Variants in SLC5A4 observed in about 807,000 individuals in gnomAD.
SLC5A4 encodes solute carrier family 5 member 4.
SLC5A4 carries 55 observed loss-of-function variants against 70.3 expected under a neutral mutation model. The ratio of observed to expected loss-of-function variants is 0.78; its 90% CI spans 0.63 to 0.98. The LOEUF (loss-of-function observed/expected upper bound fraction) is 0.98, where lower values mean the gene tolerates loss of function less well. Among genes scored for constraint, SLC5A4 ranks in the 50% least tolerant of loss-of-function variants. The pLI, the probability that SLC5A4 is intolerant of heterozygous loss-of-function variation, is 0.00. For missense variants in SLC5A4, 735 were observed against 839.2 expected, an observed-to-expected ratio of 0.88 and a Z score of 1.53; for synonymous variants, 268 against 305.7, an observed-to-expected ratio of 0.88 and a Z score of 1.29.
the SLC5A4 span, among the ~76,000 whole-genome samples, chr22:32,267,833 A>G: frequency 1.5e-4 from 23 of 152,326 alleles, no homozygotes; most frequent in African/African-American, 4.3e-4. Flanking sequence ...CAAAGAAACA[A>G]TCAAGTCCTG....
the SLC5A4 span, among the ~76,000 whole-genome samples, chr22:32,321,977 T>C: frequency 1.3e-5 from 2 of 152,210 alleles, no homozygotes; most frequent in Non-Finnish European, 2.9e-5. Flanking sequence ...GTTCCCAGCA[T>C]TGTGCATAAT....
chr22:32,260,036 G>A (rs1374707124), upstream of SLC5A4, among the ~76,000 whole-genome samples: 4 of 152,244 alleles, frequency 2.6e-5, no homozygotes, highest in Non-Finnish European at 4.4e-5. Flanking sequence ...ATTGAGGCTA[G>A]TGAAAGAAAG....
chr22:32,340,512 C>T, the SLC5A4 span, among the ~76,000 whole-genome samples: 10 of 152,276 alleles, frequency 6.6e-5, no homozygotes, highest in Non-Finnish European at 1.2e-4. Context: ...TTATGTCAGG[C>T]GGCGACGCAC....
the SLC5A4 span, among the ~76,000 whole-genome samples, chr22:32,308,765 T>C: frequency 0.27 from 22,802 of 83,362 alleles, 1,920 homozygotes; most frequent in East Asian, 0.51. Context: ...TGAAATCACA[T>C]GTATGTGTGT....
upstream of SLC5A4, among the ~76,000 whole-genome samples, chr22:32,256,326 C>A (rs865869892): frequency 6.8e-6 from 1 of 147,164 alleles, no homozygotes; most frequent in Non-Finnish European, 1.5e-5. Context: ...ACAAAAAAAA[C>A]AACAACAAAA....
the SLC5A4 span, among the ~76,000 whole-genome samples, chr22:32,281,196 G>A: frequency 1.3e-5 from 2 of 152,328 alleles, no homozygotes; most frequent in East Asian, 1.9e-4. Context: ...CTCCCGCACT[G>A]GGGGTTTGGC....
chr22:32,255,489 C>T, upstream of SLC5A4: 1 of 690,138 alleles, frequency 1.4e-6, no homozygotes, highest in South Asian at 2.0e-5. Context: ...CCCAGCCCTC[C>T]ACCAGTGAGT....
intron 4 of SLC5A4, among the ~76,000 whole-genome samples, chr22:32,247,749 C>T (rs1926917225): frequency 1.3e-5 from 2 of 152,170 alleles, no homozygotes; most frequent in African/African-American, 2.4e-5. Flanking sequence ...TGGATAACTC[C>T]AGCCAAGGTC....
intron 5 of SLC5A4, among the ~76,000 whole-genome samples, chr22:32,239,556 A>ATATATATATATATT (rs1569374865): frequency 2.2e-3 from 46 of 20,862 alleles, no homozygotes; most frequent in Non-Finnish European, 2.7e-3. Flanking sequence ...ATATATATAT[A>ATATATATATATATT]TATATATATA....
chr22:32,295,109 A>G, the SLC5A4 span, among the ~76,000 whole-genome samples: 10 of 105,244 alleles, frequency 9.5e-5, 2 homozygotes, highest in African/African-American at 3.1e-4. Flanking sequence ...ATTGTGAATA[A>G]TGCCACAATA....
the SLC5A4 span, among the ~76,000 whole-genome samples, chr22:32,333,114 G>A: frequency 4.6e-5 from 7 of 152,028 alleles, no homozygotes; most frequent in South Asian, 2.1e-4. Context: ...TGGCCTGCCC[G>A]AGGTTAAACA....
At chr22:32,238,838 T>G (rs1926212712) in intron 6 of SLC5A4, 147 bp downstream of exon 6, 1 of 646,050 alleles carries the variant, frequency 1.5e-6, no homozygotes, top group African/African-American at 1.8e-5. Context: ...TAGTTGTGTT[T>G]CTGGTGCTGT....
intron 5 of SLC5A4, among the ~76,000 whole-genome samples, chr22:32,241,817 A>ATG (rs1423874851): frequency 2.1e-5 from 3 of 140,610 alleles, no homozygotes; most frequent in African/African-American, 5.5e-5. Flanking sequence ...ATATATCTGT[A>ATG]TGTGTGTGTG....
At chr22:32,310,917 C>T in the SLC5A4 span, among the ~76,000 whole-genome samples, 4 of 152,152 alleles carry the variant, frequency 2.6e-5, no homozygotes, top group Non-Finnish European at 4.4e-5. Flanking sequence ...GCACTCTTGC[C>T]CTCATCTCCT....
chr22:32,308,577 A>T, the SLC5A4 span, among the ~76,000 whole-genome samples: 3 of 152,194 alleles, frequency 2.0e-5, no homozygotes, highest in Non-Finnish European at 4.4e-5. Flanking sequence ...GAAGCCTGTT[A>T]ACCCCCATTC....
At chr22:32,225,441 T>C (rs1925334658) in intron 12 of SLC5A4, among the ~76,000 whole-genome samples, 1 of 152,208 alleles carries the variant, frequency 6.6e-6, no homozygotes, top group Admixed American at 6.5e-5. Flanking sequence ...ATGTACGTAA[T>C]ATTTTGTAAG....
At chr22:32,223,692 G>A (rs2123867776) in intron 13 of SLC5A4, among the ~76,000 whole-genome samples, 1 of 152,248 alleles carries the variant, frequency 6.6e-6, no homozygotes, top group East Asian at 1.9e-4. Flanking sequence ...TCTTCCTGGT[G>A]TCCTATGACA....
In SLC5A4 at chr22:32,255,309, G is replaced by T; in HGVS notation, c.21C>A (p.Pro7=). 2 of 1,614,156 alleles carry T rather than the reference G, an allele frequency of 1.2e-6. No individual in the cohort carries two copies. Among genetic ancestry groups the T allele is most frequent in the Non-Finnish European group, 1.7e-6 (2 of 1,180,010 alleles). Residue 7 remains proline (P), a synonymous_variant, in exon 1 of 15, where the codon CCC becomes CCA. Coordinates refer to ENST00000266086, the MANE Select transcript of SLC5A4 (RefSeq NM_014227.3). ...GCTCTGGGGTCTCAGCTATGGTGCT[G>T]GGGCTAACCGTACTGGCCATGGCTG... MASTVS[P]STIAETPEPP...
the SLC5A4 span, among the ~76,000 whole-genome samples, chr22:32,347,747 C>G: frequency 1.3e-5 from 2 of 151,210 alleles, no homozygotes; most frequent in African/African-American, 2.4e-5. Context: ...GAAGATATAC[C>G]TAATGCTAAA....
Sources: gnomAD v4.1 joint callset for allele counts (sites outside exome capture counted in the v4.1 genomes callset) on GRCh38, gnomAD v4.1.1 for gene constraint, MANE v1.5 for transcripts, NCBI Gene and HGNC (gene_info 2026-07-23, HGNC 2026-07-21) for gene names.